Variants in MAPK4 observed in about 807,000 individuals in gnomAD.
The protein encoded by MAPK4 is Erk3-related.
In MAPK4, 22 loss-of-function variants were observed where a neutral mutation model predicts 47.7. That is an observed-to-expected ratio of 0.46 (90% confidence interval 0.33 to 0.66). The LOEUF (loss-of-function observed/expected upper bound fraction) is 0.66. Ranked by LOEUF, MAPK4 falls within the 30% of genes least tolerant of loss-of-function variation. The pLI, the probability that MAPK4 is intolerant of heterozygous loss-of-function variation, is 0.02. For missense variants in MAPK4, 736 were observed against 831.7 expected (o/e 0.88, Z 1.42); for synonymous variants, 390 against 365.7 (o/e 1.07, Z -0.76).
intron 1 of MAPK4, among the ~76,000 whole-genome samples, chr18:50,630,117 G>T (rs1303431977): frequency 1.3e-5 from 2 of 152,178 alleles, no homozygotes; most frequent in Admixed American, 6.5e-5. Context: ...ATTCGGTCTG[G>T]TAGGATGCTG....
At chr18:50,622,372 G>A (rs2149382626) in intron 1 of MAPK4, among the ~76,000 whole-genome samples, 1 of 152,348 alleles carries the variant, frequency 6.6e-6, no homozygotes, top group Middle Eastern at 3.4e-3. Context: ...CCTCTGATGT[G>A]TGGGGACTTC....
In MAPK4 at chr18:50,731,210, T is replaced by A. The variant is rs1208113561; in HGVS notation, c.*1356T>A. 1 of 152,206 alleles carries A rather than the reference T, an allele frequency of 6.6e-6. No homozygotes were observed. The highest frequency in any genetic ancestry group is 1.5e-5 in the Non-Finnish European group (1 of 68,078). 9.4% of individuals were successfully genotyped at this position (152,206 alleles called of 1,614,324 possible). On this transcript the variant is annotated 3_prime_UTR_variant, in exon 6 of 6. Transcript: ENST00000400384. ...TGTAGGCTAAGGTGAGTTTGGTGCATGCAAACCTGTGTGCTCACCCACAGA... is the reference window on the plus strand; with the variant it reads ...TGTAGGCTAAGGTGAGTTTGGTGCAAGCAAACCTGTGTGCTCACCCACAGA...
chr18:50,606,258 G>A (rs901258523), intron 1 of MAPK4, among the ~76,000 whole-genome samples: 1 of 152,050 alleles, frequency 6.6e-6, no homozygotes, highest in Non-Finnish European at 1.5e-5. Flanking sequence ...AGAACAGTGG[G>A]GGAATATTAT....
intron 1 of MAPK4, among the ~76,000 whole-genome samples, chr18:50,581,086 A>G (rs2042339847): frequency 6.6e-6 from 1 of 152,232 alleles, no homozygotes; most frequent in South Asian, 2.1e-4. Context: ...GGCACTCTCA[A>G]CATCCTAAAA....
chr18:50,689,260 T>C (rs970879858), intron 2 of MAPK4, among the ~76,000 whole-genome samples: 13 of 148,958 alleles, frequency 8.7e-5, no homozygotes, highest in Non-Finnish European at 1.5e-4. Flanking sequence ...ATCCCAGGTG[T>C]GGTGGTGCAA....
At chr18:50,709,501 C>T (rs1910236488) in intron 2 of MAPK4, among the ~76,000 whole-genome samples, 1 of 152,218 alleles carries the variant, frequency 6.6e-6, no homozygotes, top group Admixed American at 6.5e-5. Context: ...CACACATGGC[C>T]CTTCTGCAAC....
At chr18:50,670,790 G>A (rs932409373) in intron 2 of MAPK4, among the ~76,000 whole-genome samples, 3 of 150,998 alleles carry the variant, frequency 2.0e-5, no homozygotes, top group Admixed American at 6.6e-5. Flanking sequence ...CTAGTGTAGT[G>A]GTTCTCAAAG....
intron 1 of MAPK4, among the ~76,000 whole-genome samples, chr18:50,583,328 C>T (rs1014665488): frequency 1.3e-5 from 2 of 152,194 alleles, no homozygotes; most frequent in Non-Finnish European, 2.9e-5. Flanking sequence ...TGGCTCACGC[C>T]TGTAATCCTA....
intron 1 of MAPK4, among the ~76,000 whole-genome samples, chr18:50,585,221 T>A (rs954220659): frequency 3.3e-5 from 5 of 152,232 alleles, no homozygotes; most frequent in African/African-American, 7.2e-5. Flanking sequence ...ACTGGCATTT[T>A]AAAAAGCTAG....
At chr18:50,698,664 G>C (rs1283134789) in intron 2 of MAPK4, among the ~76,000 whole-genome samples, 1 of 152,136 alleles carries the variant, frequency 6.6e-6, no homozygotes, top group Non-Finnish European at 1.5e-5. Flanking sequence ...ATATGAAAAA[G>C]GAAAATTGCG....
intron 1 of MAPK4, among the ~76,000 whole-genome samples, chr18:50,660,607 A>C (rs1343132505): frequency 6.6e-6 from 1 of 152,240 alleles, no homozygotes; most frequent in Non-Finnish European, 1.5e-5. Flanking sequence ...TGTATGGTAA[A>C]TGCCAAACAC....
At chr18:50,657,558 G>A (rs974748220) in intron 1 of MAPK4, among the ~76,000 whole-genome samples, 1 of 152,160 alleles carries the variant, frequency 6.6e-6, no homozygotes, top group Non-Finnish European at 1.5e-5. Flanking sequence ...GCTTGACCTT[G>A]AGTCCGAGGC....
chr18:50,602,783 A>G (rs2042551899), intron 1 of MAPK4, among the ~76,000 whole-genome samples: 1 of 152,188 alleles, frequency 6.6e-6, no homozygotes, highest in South Asian at 2.1e-4. Flanking sequence ...AGGAGATACA[A>G]GAATCAGCAA....
chr18:50,651,087 G>T, intron 1 of MAPK4, among the ~76,000 whole-genome samples: 1 of 152,232 alleles, frequency 6.6e-6, no homozygotes, highest in East Asian at 1.9e-4. Context: ...ATGCCTGAAG[G>T]CTGGATGGTC....
intron 1 of MAPK4, among the ~76,000 whole-genome samples, chr18:50,626,048 C>A (rs1349999656): frequency 6.6e-6 from 1 of 152,132 alleles, no homozygotes; most frequent in African/African-American, 2.4e-5. Flanking sequence ...TGCATTGAAG[C>A]CTGAAGGCCA....
chr18:50,653,949 T>C (rs997004893), intron 1 of MAPK4, among the ~76,000 whole-genome samples: 1 of 152,192 alleles, frequency 6.6e-6, no homozygotes, highest in Admixed American at 6.5e-5. Flanking sequence ...GAGTGCCAGC[T>C]CCAGATGCTT....
chr18:50,638,646 C>T (rs1245849825), intron 1 of MAPK4, among the ~76,000 whole-genome samples: 1 of 152,196 alleles, frequency 6.6e-6, no homozygotes, highest in African/African-American at 2.4e-5. Context: ...TGCAGTTGTT[C>T]TAGCATGGAG....
At chr18:50,718,611 T>C (rs1004497735) in intron 3 of MAPK4, among the ~76,000 whole-genome samples, 2 of 152,224 alleles carry the variant, frequency 1.3e-5, no homozygotes, top group Non-Finnish European at 2.9e-5. Context: ...CCAGAAAATG[T>C]AATCTCTCAA....
At chr18:50,569,496 A>T (rs67952274) in intron 1 of MAPK4, among the ~76,000 whole-genome samples, 9,092 of 152,288 alleles carry the variant, frequency 0.06, 355 homozygotes, top group Non-Finnish European at 0.086. Context: ...CACCCAGATG[A>T]CATGAAGCCA....
Sources: gnomAD v4.1 joint callset for allele counts (sites outside exome capture counted in the v4.1 genomes callset) on GRCh38, gnomAD v4.1.1 for gene constraint, MANE v1.5 for transcripts, NCBI Gene and HGNC (gene_info 2026-07-23, HGNC 2026-07-21) for gene names.